Variants in TRIQK observed in about 807,000 individuals in gnomAD.
TRIQK encodes triple QxxK/R motif-containing protein.
In TRIQK, 10 loss-of-function variants were observed where a neutral mutation model predicts 10.8. That is an observed-to-expected ratio of 0.92 (90% CI 0.57 to 1.57). The LOEUF is 1.57. Among genes scored for constraint, TRIQK ranks in the 40% most tolerant of loss-of-function variants. The pLI is 0.00. For synonymous variants in TRIQK, 33 were observed against 33.7 expected (o/e 0.98, Z 0.07); for missense variants, 107 against 97.7 (o/e 1.09, Z -0.40).
intron 1 of TRIQK, chr8:92,960,834 A>C (rs1160127646): frequency 6.6e-6 from 1 of 152,240 alleles, no homozygotes; most frequent in Non-Finnish European, 1.5e-5. Flanking sequence ...TGAACCACAG[A>C]ACTGTCAGAT....
intron 3 of TRIQK, among the ~76,000 whole-genome samples, chr8:92,908,858 A>G (rs953486507): frequency 3.3e-5 from 5 of 152,032 alleles, no homozygotes; most frequent in African/African-American, 9.6e-5. Context: ...ATATTTGGTA[A>G]TCAACAATAA....
At chr8:92,939,633 C>G (rs1049268817) in intron 2 of TRIQK, among the ~76,000 whole-genome samples, 1 of 152,140 alleles carries the variant, frequency 6.6e-6, no homozygotes, top group Admixed American at 6.5e-5. Context: ...AGGGGCTATA[C>G]CTATTTGACC....
intron 1 of TRIQK, among the ~76,000 whole-genome samples, chr8:92,996,422 G>A (rs1299555577): frequency 1.3e-5 from 2 of 151,996 alleles, no homozygotes; most frequent in African/African-American, 2.4e-5. Flanking sequence ...ATCAAGACAT[G>A]TAAGCAAAAT....
chr8:92,976,725 T>C (rs1812934690), intron 1 of TRIQK, among the ~76,000 whole-genome samples: 1 of 152,000 alleles, frequency 6.6e-6, no homozygotes, highest in Admixed American at 6.6e-5. Context: ...TTCTTTTGCT[T>C]TCTATTTTGG....
At chr8:92,959,794 A>G (rs1453286582) in intron 1 of TRIQK, among the ~76,000 whole-genome samples, 1 of 152,114 alleles carries the variant, frequency 6.6e-6, no homozygotes, top group Non-Finnish European at 1.5e-5. Flanking sequence ...ATGAAGTTGA[A>G]AAACCATAAG....
At chr8:92,947,651 T>C (rs72677462) in intron 2 of TRIQK, among the ~76,000 whole-genome samples, 6,961 of 151,562 alleles carry the variant, frequency 0.046, 227 homozygotes, top group Non-Finnish European at 0.071. Context: ...TTTTCATTCT[T>C]TAATCCTTGT....
intron 1 of TRIQK, among the ~76,000 whole-genome samples, chr8:93,002,523 A>G (rs144594525): frequency 1.6e-4 from 25 of 152,348 alleles, no homozygotes; most frequent in African/African-American, 6.0e-4. Context: ...GAACAAAAGC[A>G]TTGGACACAT....
At chr8:92,958,900 C>A (rs199867136) in intron 1 of TRIQK, among the ~76,000 whole-genome samples, 5 of 151,982 alleles carry the variant, frequency 3.3e-5, no homozygotes, top group Admixed American at 1.3e-4. Flanking sequence ...TGCACCTCTG[C>A]GGCAATTACA....
intron 2 of TRIQK, among the ~76,000 whole-genome samples, chr8:92,944,253 G>A (rs1025579383): frequency 9.3e-5 from 14 of 150,110 alleles, no homozygotes; most frequent in Non-Finnish European, 5.9e-5. Context: ...ACACACTGTC[G>A]TGGGAATGTA....
intron 1 of TRIQK, among the ~76,000 whole-genome samples, chr8:93,009,598 ACT>A (rs1048392816): frequency 2.0e-5 from 3 of 149,016 alleles, no homozygotes; most frequent in African/African-American, 7.3e-5. Context: ...ACAGAGTGAG[ACT>A]CTGCCTCAAA....
intron 2 of TRIQK, among the ~76,000 whole-genome samples, chr8:92,923,829 G>C (rs1168677648): frequency 6.6e-6 from 1 of 151,846 alleles, no homozygotes; most frequent in African/African-American, 2.4e-5. Flanking sequence ...AACAAAAGTA[G>C]TATTATATTC....
At chr8:93,007,128 T>TAC (rs145481842) in intron 1 of TRIQK, among the ~76,000 whole-genome samples, 41,177 of 151,914 alleles carry the variant, frequency 0.27, 6,376 homozygotes, top group African/African-American at 0.43. Flanking sequence ...GCCCCTGTGG[T>TAC]AGAGATCCCA....
At chr8:92,921,715 T>C (rs1810199946) in intron 2 of TRIQK, 1 of 151,878 alleles carries the variant, frequency 6.6e-6, no homozygotes, top group Non-Finnish European at 1.5e-5. Context: ...ATTTTTCGCA[T>C]TTATTTGTTA....
intron 1 of TRIQK, among the ~76,000 whole-genome samples, chr8:92,986,323 C>G (rs578115692): frequency 6.6e-6 from 1 of 152,226 alleles, no homozygotes; most frequent in South Asian, 2.1e-4. Context: ...CAAATAGACA[C>G]ATGCTTCATC....
Position 93,014,842 on chromosome 8 carries a change from T to A in TRIQK, c.-181+2767A>T, listed in dbSNP as rs372131313. Among the ~76,000 whole-genome samples the A allele has an allele frequency of 5.3e-5, 8 of 152,194 alleles. No individual in the cohort carries two copies. The South Asian group carries it at 1.7e-3, about 32-fold the overall frequency. ...CCCAGAGCAATAACTGATTGTTAGT[T>A]ATTGAAGTCTGAAATGATTTTCTCA... On this transcript the variant is annotated intron_variant, in intron 1 of 4. Coordinates refer to the TRIQK transcript ENST00000520686.
intron 1 of TRIQK, among the ~76,000 whole-genome samples, chr8:92,957,587 G>T (rs556655394): frequency 6.6e-6 from 1 of 151,884 alleles, no homozygotes; most frequent in Admixed American, 6.6e-5. Flanking sequence ...TTAAACATTG[G>T]TTTTAAATAT....
chr8:92,946,001 G>A (rs1181365029), intron 2 of TRIQK, among the ~76,000 whole-genome samples: 5 of 151,728 alleles, frequency 3.3e-5, no homozygotes, highest in East Asian at 3.9e-4. Flanking sequence ...ATATCAAAAC[G>A]GAAAATTAGA....
chr8:93,000,866 C>A (rs1813203382), intron 1 of TRIQK, among the ~76,000 whole-genome samples: 1 of 136,950 alleles, frequency 7.3e-6, no homozygotes, highest in Non-Finnish European at 1.5e-5. Context: ...CAGAAAACCA[C>A]CAAACCACAA....
chr8:92,928,538 G>C (rs1049569057), intron 2 of TRIQK, among the ~76,000 whole-genome samples: 1 of 152,100 alleles, frequency 6.6e-6, no homozygotes, highest in Non-Finnish European at 1.5e-5. Flanking sequence ...AGAATCTTAG[G>C]GGCTAAAGTA....
Sources: allele counts gnomAD v4.1 joint callset (sites outside exome capture counted in the v4.1 genomes callset), GRCh38; gene constraint gnomAD v4.1.1; transcripts MANE v1.5; gene names NCBI Gene and HGNC (gene_info 2026-07-23, HGNC 2026-07-21).